PODXL: variants seen among roughly 807,000 people sequenced by gnomAD.
PODXL encodes podocalyxin like.
PODXL carries 20 observed loss-of-function variants against 48.9 expected under a neutral mutation model. The ratio of observed to expected loss-of-function variants is 0.41; its 90% CI spans 0.29 to 0.59. The LOEUF is 0.59. Among genes scored for constraint, PODXL ranks in the 20% least tolerant of loss-of-function variants. The probability of loss-of-function intolerance (pLI) is 0.31; values close to 1 mark genes in which losing one functional copy is unlikely to be tolerated. For missense variants in PODXL, 606 were observed against 675.1 expected (o/e 0.90, Z 1.13); for synonymous variants, 295 against 287.4 (o/e 1.03, Z -0.27).
intron 1 of PODXL, among the ~76,000 whole-genome samples, chr7:131,527,656 G>C (rs1191673232): frequency 6.6e-6 from 1 of 152,244 alleles, no homozygotes; most frequent in African/African-American, 2.4e-5. Flanking sequence ...GAGTTTGCAT[G>C]TGTGGACAAC....
At chr7:131,512,793 T>C (rs2116795876) in intron 1 of PODXL, among the ~76,000 whole-genome samples, 1 of 151,858 alleles carries the variant, frequency 6.6e-6, no homozygotes, top group Middle Eastern at 3.4e-3. Context: ...GTCTGGCCAA[T>C]ATAGAGAAAC....
At chr7:131,549,342 TA>T (rs1798633103) in intron 1 of PODXL, among the ~76,000 whole-genome samples, 1 of 152,072 alleles carries the variant, frequency 6.6e-6, no homozygotes, top group African/African-American at 2.4e-5. Flanking sequence ...GTCTGTGAGA[TA>T]AAGGTCATGC....
intron 1 of PODXL, among the ~76,000 whole-genome samples, chr7:131,552,851 A>G (rs1186518259): frequency 6.6e-6 from 1 of 152,012 alleles, no homozygotes; most frequent in African/African-American, 2.4e-5. Context: ...CAGTGGCGTG[A>G]TCTTGGCTCA....
intron 1 of PODXL, among the ~76,000 whole-genome samples, chr7:131,529,642 C>T (rs781391852): frequency 1.3e-5 from 2 of 151,940 alleles, no homozygotes; most frequent in African/African-American, 4.8e-5. Flanking sequence ...AGGGGAGAGA[C>T]AGGCAAGATG....
At chr7:131,532,560 G>C (rs1463869089) in intron 1 of PODXL, among the ~76,000 whole-genome samples, 1 of 151,060 alleles carries the variant, frequency 6.6e-6, no homozygotes, top group African/African-American at 2.4e-5. Flanking sequence ...TCCCCATCTG[G>C]AAAATAGGGG....
Position 131,504,228 on chromosome 7 carries a change from T to G in PODXL, c.*83A>C. On this transcript the variant is annotated 3_prime_UTR_variant, in exon 9 of 9. Coordinates refer to ENST00000378555, the MANE Select transcript of PODXL (RefSeq NM_001018111.3). ...CTCGGAGTTCACTCTCCCTCCCCAGTCTTTCCCTTCCCCATCCAAACGGCA... is the reference window on the plus strand; with the variant it reads ...CTCGGAGTTCACTCTCCCTCCCCAGGCTTTCCCTTCCCCATCCAAACGGCA... The G allele has an allele frequency of 8.6e-7, 1 of 1,166,628 alleles. No homozygotes were observed. The highest frequency in any genetic ancestry group is 1.3e-6 in the Non-Finnish European group (1 of 797,794). 72.3% of individuals were successfully genotyped at this position (1,166,628 alleles called of 1,614,324 possible).
rs576921359 is a variant in PODXL at position 131,549,013 on chromosome 7, C to CT, written c.100+7246dup. ...CTAAGTGCTATTCTAGGTGCTGTGG[C>CT]TACAGCACAATGGAAGTCCCTGCCC... On this transcript the variant is annotated intron_variant, in intron 1 of 8. Transcript: ENST00000378555. Among the ~76,000 whole-genome samples, 299 of 152,302 alleles carry CT rather than the reference C, an allele frequency of 2.0e-3. 1 individual carries two copies. The highest frequency in any genetic ancestry group is 6.7e-3 in the African/African-American group (277 of 41,562).
chr7:131,539,795 A>C (rs1371757658), intron 1 of PODXL, among the ~76,000 whole-genome samples: 1 of 152,062 alleles, frequency 6.6e-6, no homozygotes, highest in Non-Finnish European at 1.5e-5. Context: ...GTCCTGGTAC[A>C]CTCGGGGCAG....
intron 1 of PODXL, among the ~76,000 whole-genome samples, chr7:131,526,424 C>CA (rs1382951037): frequency 2.0e-5 from 3 of 150,724 alleles, no homozygotes; most frequent in South Asian, 2.1e-4. Flanking sequence ...AGTGCTTTTC[C>CA]AAAAAAATTG....
chr7:131,510,228 G>A lies in PODXL; in HGVS notation c.802+8C>T, dbSNP rs1797885044. The A allele has an allele frequency of 4.5e-6, 2 of 446,902 alleles. No homozygotes were observed. The highest frequency in any genetic ancestry group is 3.1e-5 in the South Asian group (2 of 63,910). 27.7% of individuals were successfully genotyped at this position (446,902 alleles called of 1,614,324 possible). On this transcript the variant is annotated splice_region_variant and intron_variant, in intron 3 of 8. Coordinates refer to ENST00000378555, the MANE Select transcript of PODXL (RefSeq NM_001018111.3). ...AAACAGGTATCGGCCGGGCATGGTG[G>A]CTCATACCTGTAATCCCAGCACTTT...
In PODXL at chr7:131,505,952, G is replaced by A; in HGVS notation, c.1395C>T (p.Thr465=). 6.2e-7 allele frequency: 1 copy of A among 1,608,038 alleles called. No homozygotes were observed. The highest frequency in any genetic ancestry group is 8.5e-7 in the Non-Finnish European group (1 of 1,177,738). The stretch of plus-strand genomic sequence containing the variant: ...GCAGGAATGATGCCATGCAGACGAT[G>A]GTGATGATGAGGGGCATGCTGAAGC... ...EDRFSMPLII[T]IVCMASFLLL... The change falls in exon 8 of 9, where the codon ACC becomes ACT. Residue 465 remains threonine, a synonymous_variant. Transcript: ENST00000378555.
chr7:131,556,050 C>A (rs910684924), intron 1 of PODXL, among the ~76,000 whole-genome samples: 5 of 152,236 alleles, frequency 3.3e-5, no homozygotes, highest in African/African-American at 1.2e-4. Context: ...AGAGTGGAGA[C>A]GAATCTACGC....
chr7:131,554,108 C>T lies in PODXL; in HGVS notation c.100+2152G>A, dbSNP rs566701069. 3.3e-5 allele frequency among the ~76,000 whole-genome samples: 5 copies of T among 152,222 alleles called. No homozygotes were observed. In the South Asian group the frequency reaches 1.0e-3, roughly 32 times the overall value. On this transcript the variant is annotated intron_variant, in intron 1 of 8. Coordinates refer to ENST00000378555, the MANE Select transcript of PODXL (RefSeq NM_001018111.3). ...TGCTTTGAATCAAATCACAGGATTC[C>T]AGCAGATGGGGGGCAGTGTTTATGC...
chr7:131,534,701 G>A (rs935252402), intron 1 of PODXL, among the ~76,000 whole-genome samples: 1 of 152,164 alleles, frequency 6.6e-6, no homozygotes, highest in African/African-American at 2.4e-5. Flanking sequence ...GGAAGAGTCT[G>A]GTAAGTGAGA....
intron 1 of PODXL, among the ~76,000 whole-genome samples, chr7:131,544,641 ACGCACGCCC>A (rs533122947): frequency 3.7e-3 from 62 of 16,970 alleles, no homozygotes; most frequent in Admixed American, 7.4e-3. Context: ...GGGCCTCCGC[ACGCACGCCC>A]TGTACTACGC....
chr7:131,523,033 G>T (rs1368751699), intron 1 of PODXL, among the ~76,000 whole-genome samples: 1 of 152,100 alleles, frequency 6.6e-6, no homozygotes, highest in Non-Finnish European at 1.5e-5. Flanking sequence ...AATTTCCCTT[G>T]GGTACATACC....
chr7:131,548,549 G>A (rs1013194350), intron 1 of PODXL, among the ~76,000 whole-genome samples: 3 of 152,218 alleles, frequency 2.0e-5, no homozygotes, highest in African/African-American at 7.2e-5. Context: ...CCTGATGGCT[G>A]GAACTCCAGC....
rs1248546932 is a variant in PODXL at position 131,503,998 on chromosome 7, G to A, written c.*313C>T. The A allele has an allele frequency of 1.5e-5, 6 of 392,742 alleles. No individual in the cohort carries two copies. The highest frequency in any genetic ancestry group is 2.8e-5 in the Non-Finnish European group (6 of 211,892). 24.3% of individuals were successfully genotyped at this position (392,742 alleles called of 1,614,324 possible). A position where few individuals can be genotyped will look rare whatever the true frequency, so the allele number is the denominator to read the frequency against. On this transcript the variant is annotated 3_prime_UTR_variant, in exon 9 of 9. Transcript: ENST00000378555. ...AAGTCACTTACCCTCTTCAGGTCTC[G>A]GCAATCTCACTGCAGAATGAAGGGA... is the stretch of plus-strand genomic sequence containing the variant.
At position 131,501,843 on chromosome 7, in the gene PODXL, T is replaced by C. The variant is rs1180927055; in HGVS notation, c.*2468A>G. On this transcript the variant is annotated 3_prime_UTR_variant, in exon 9 of 9. Transcript: ENST00000378555. Reference sequence around the variant, plus strand: ...TGGCTGTTTGGCCTGTTGACATAGGTGTCCTGGTGGCAAGAGCAAGGCAAG... The same window carrying C: ...TGGCTGTTTGGCCTGTTGACATAGGCGTCCTGGTGGCAAGAGCAAGGCAAG... 6.6e-6 allele frequency: 1 copy of C among 152,274 alleles called. No homozygotes were observed. Among genetic ancestry groups the C allele is most frequent in the African/African-American group, 2.4e-5 (1 of 41,430 alleles). The allele number at this position is 152,274 out of a possible 1,614,324, so 9.4% of individuals were successfully genotyped here.
Sources: gnomAD v4.1 joint callset for allele counts (sites outside exome capture counted in the v4.1 genomes callset) on GRCh38, gnomAD v4.1.1 for gene constraint, MANE v1.5 for transcripts, NCBI Gene and HGNC (gene_info 2026-07-23, HGNC 2026-07-21) for gene names.